The following RIMBP2 variants were observed in gnomAD, a reference collection of about 807,000 sequenced individuals.
RIMBP2 encodes the protein RIMS binding protein 2, also known as RIMS-binding protein 2.
Under a neutral mutation model 118.6 loss-of-function variants are expected in RIMBP2, and 48 were observed. The observed-to-expected ratio is 0.40, with a 90% CI of 0.32 to 0.51. The LOEUF is 0.51. Ranked by LOEUF, RIMBP2 falls within the 20% of genes least tolerant of loss-of-function variation. The pLI is 0.41. For synonymous variants in RIMBP2, 762 were observed against 742.9 expected (o/e 1.03, Z -0.42); for missense variants, 1,551 against 1,768.3 (o/e 0.88, Z 2.20).
chr12:130,668,118 G>A (rs930394225), intron 1 of RIMBP2: 1 of 152,206 alleles, frequency 6.6e-6, no homozygotes, highest in East Asian at 1.9e-4. Context: ...CTTGTAACTG[G>A]TGTCTGCAGT....
Position 130,697,630 on chromosome 12 carries a change from G to T in RIMBP2, c.-352+18592C>A, listed in dbSNP as rs573434921. Among the ~76,000 whole-genome samples the T allele has an allele frequency of 5.3e-5, 8 of 152,220 alleles. No individual in the cohort carries two copies. The South Asian group carries it at 1.2e-3, about 24-fold the overall frequency. On this transcript the variant is annotated intron_variant, in intron 1 of 22. Coordinates refer to ENST00000690449, the MANE Select transcript of RIMBP2 (RefSeq NM_001393629.1). ...CAATTGTCCTTGTCCTTCCTAAATT[G>T]GATGTGGTGCCATCAACCTTCATCA...
chr12:130,433,696 C>A lies in RIMBP2; in HGVS notation c.2253+1038G>T, dbSNP rs530972393. 1.4e-4 allele frequency among the ~76,000 whole-genome samples: 22 copies of A among 152,174 alleles called. No individual in the cohort carries two copies. In the South Asian group the frequency reaches 4.6e-3, roughly 32 times the overall value. On this transcript the variant is annotated intron_variant, in intron 14 of 22. Coordinates refer to ENST00000690449, the MANE Select transcript of RIMBP2 (RefSeq NM_001393629.1). Reference sequence around the variant, plus strand: ...GACTGGAAGGAAGTCTGGCTTCCGTCCATCCCTTTTTTCCTTCTTGGGGTG... The same window carrying A: ...GACTGGAAGGAAGTCTGGCTTCCGTACATCCCTTTTTTCCTTCTTGGGGTG...
At chr12:130,416,248 AAAG>A (rs1440604801) in intron 17 of RIMBP2, among the ~76,000 whole-genome samples, 3 of 152,220 alleles carry the variant, frequency 2.0e-5, no homozygotes, top group South Asian at 4.1e-4. Flanking sequence ...TGGAACCAAA[AAAG>A]AGCCCAAATA....
chr12:130,491,756 T>C (rs965354721), intron 4 of RIMBP2, among the ~76,000 whole-genome samples: 1 of 152,244 alleles, frequency 6.6e-6, no homozygotes, highest in Non-Finnish European at 1.5e-5. Context: ...CCAGGGCACG[T>C]GCTGTCATTC....
intron 21 of RIMBP2, among the ~76,000 whole-genome samples, chr12:130,404,448 C>A (rs898789386): frequency 3.9e-5 from 6 of 152,184 alleles, no homozygotes; most frequent in African/African-American, 1.4e-4. Flanking sequence ...CAGGCACATG[C>A]CACCACGCCC....
In RIMBP2 at chr12:130,397,258, G is replaced by A. The variant is rs957124002; in HGVS notation, c.*103C>T. 8 of 395,320 alleles carry A rather than the reference G, an allele frequency of 2.0e-5. No homozygotes were observed. The highest frequency in any genetic ancestry group is 1.6e-4 in the African/African-American group (8 of 48,528). The allele number at this position is 395,320 out of a possible 1,614,324, so 24.5% of individuals were successfully genotyped here. A position where few individuals can be genotyped will look rare whatever the true frequency, so the allele number is the denominator to read the frequency against. Reference sequence around the variant, plus strand: ...AAGTGCATTTCTCTACTGGTGTCAGGGGAGAAGATTGGGTTTTTTTAGGAA... The same window carrying A: ...AAGTGCATTTCTCTACTGGTGTCAGAGGAGAAGATTGGGTTTTTTTAGGAA... On this transcript the variant is annotated 3_prime_UTR_variant, in exon 23 of 23. Coordinates refer to ENST00000690449, the MANE Select transcript of RIMBP2 (RefSeq NM_001393629.1).
At chr12:130,650,948 T>G (rs1278004699) in intron 1 of RIMBP2, among the ~76,000 whole-genome samples, 1 of 122,378 alleles carries the variant, frequency 8.2e-6, no homozygotes, top group African/African-American at 3.2e-5. Flanking sequence ...TTACACAGCC[T>G]TGTTTTTTTT....
At chr12:130,534,299 A>G (rs911798635) in intron 2 of RIMBP2, among the ~76,000 whole-genome samples, 2 of 150,464 alleles carry the variant, frequency 1.3e-5, no homozygotes, top group African/African-American at 4.9e-5. Flanking sequence ...AAATTACTTA[A>G]TGGGTATGAT....
At chr12:130,624,581 T>C (rs2061511484) in intron 2 of RIMBP2, among the ~76,000 whole-genome samples, 1 of 152,236 alleles carries the variant, frequency 6.6e-6, no homozygotes, top group Non-Finnish European at 1.5e-5. Context: ...AGGAAATATT[T>C]ATCAGGTGAT....
intron 1 of RIMBP2, among the ~76,000 whole-genome samples, chr12:130,631,149 T>C (rs2061971613): frequency 6.6e-6 from 1 of 152,044 alleles, no homozygotes; most frequent in African/African-American, 2.4e-5. Context: ...GCTTTTGATA[T>C]CAGAAAGAAC....
intron 2 of RIMBP2, among the ~76,000 whole-genome samples, chr12:130,553,898 G>C (rs1013117870): frequency 3.3e-5 from 5 of 152,170 alleles, no homozygotes; most frequent in African/African-American, 4.8e-5. Flanking sequence ...GTTCGTTGGT[G>C]GTGGCCTCAA....
intron 3 of RIMBP2, among the ~76,000 whole-genome samples, chr12:130,516,791 TG>T (rs1365664256): frequency 3.3e-5 from 5 of 152,130 alleles, no homozygotes; most frequent in Non-Finnish European, 2.9e-5. Flanking sequence ...GTTTTATTTA[TG>T]GAAGGCATTG....
chr12:130,498,080 C>G (rs549567251), intron 4 of RIMBP2, among the ~76,000 whole-genome samples: 1 of 152,226 alleles, frequency 6.6e-6, no homozygotes, highest in African/African-American at 2.4e-5. Context: ...CACCCTGACT[C>G]CAGGCCTCCT....
chr12:130,664,162 G>A (rs1291824082), intron 1 of RIMBP2, among the ~76,000 whole-genome samples: 1 of 151,732 alleles, frequency 6.6e-6, no homozygotes, highest in Non-Finnish European at 1.5e-5. Flanking sequence ...ACTTGGTAAA[G>A]TCTTTTCCCC....
chr12:130,492,843 C>A (rs763021371), intron 4 of RIMBP2, among the ~76,000 whole-genome samples: 1 of 152,192 alleles, frequency 6.6e-6, no homozygotes, highest in African/African-American at 2.4e-5. Context: ...AAGGGATCTG[C>A]ACAGAACCAG....
chr12:130,517,997 A>G (rs924335788), intron 2 of RIMBP2, 80 bp from the exon 3 acceptor site: 26 of 439,824 alleles, frequency 5.9e-5, no homozygotes, highest in African/African-American at 1.3e-4. Flanking sequence ...AGGAGCTCCA[A>G]TGTGGTAATG....
At chr12:130,704,803 A>G (rs2066019587) in intron 1 of RIMBP2, among the ~76,000 whole-genome samples, 1 of 152,028 alleles carries the variant, frequency 6.6e-6, no homozygotes, top group Non-Finnish European at 1.5e-5. Context: ...CCGGGGCTCC[A>G]CCACCAGGGT....
intron 21 of RIMBP2, among the ~76,000 whole-genome samples, chr12:130,405,239 G>A (rs1039519684): frequency 6.6e-6 from 1 of 152,174 alleles, no homozygotes; most frequent in African/African-American, 2.4e-5. Flanking sequence ...GGTTGAGCTG[G>A]AAAGAACTAT....
intron 1 of RIMBP2, among the ~76,000 whole-genome samples, chr12:130,647,459 A>G (rs2063042646): frequency 9.4e-6 from 1 of 106,074 alleles, no homozygotes; most frequent in Non-Finnish European, 2.3e-5. Flanking sequence ...AAGCTAAAGC[A>G]TCATCACATC....
Sources: allele counts gnomAD v4.1 joint callset (sites outside exome capture counted in the v4.1 genomes callset), GRCh38; gene constraint gnomAD v4.1.1; transcripts MANE v1.5; gene names NCBI Gene and HGNC (gene_info 2026-07-23, HGNC 2026-07-21).